MED15: variants seen among roughly 807,000 people sequenced by gnomAD.
The protein encoded by MED15 is mediator complex subunit 15.
A neutral mutation model predicts 118.7 loss-of-function variants in MED15; 41 were observed. That is an observed-to-expected ratio of 0.35 (90% CI 0.27 to 0.45). The LOEUF is 0.45. MED15 is among the 20% of genes least tolerant of loss of function. The pLI is 1.00. For synonymous variants in MED15, 436 were observed against 413.9 expected (o/e 1.05, Z -0.65); for missense variants, 740 against 1,025.5 (o/e 0.72, Z 3.80).
In MED15 at chr22:20,586,714, C is replaced by T. The variant is rs1386192053; in HGVS notation, c.*10C>T. 1.2e-6 allele frequency: 2 copies of T among 1,611,998 alleles called. No individual in the cohort carries two copies. Among genetic ancestry groups the T allele is most frequent in the Non-Finnish European group, 1.7e-6 (2 of 1,179,850 alleles). On this transcript the variant is annotated 3_prime_UTR_variant, in exon 18 of 18. Coordinates refer to ENST00000263205, the MANE Select transcript of MED15 (RefSeq NM_001003891.3). Reference sequence around the variant, plus strand: ...CCTCTCAGCCGCCTAGCCAAGACTGCAGGGATGGCCCGCAGCCTCATCGGG... The same window carrying T: ...CCTCTCAGCCGCCTAGCCAAGACTGTAGGGATGGCCCGCAGCCTCATCGGG...
rs1298558309 is a variant in MED15, at chr22:20,566,685, ACAGCCCCAG to A, written c.915_923del (p.Gln306_Pro308del). 1 of 1,614,086 alleles carries A rather than the reference ACAGCCCCAG, an allele frequency of 6.2e-7. No homozygotes were observed. Among genetic ancestry groups the A allele is most frequent in the East Asian group, 2.2e-5 (1 of 44,884 alleles). ...ACACACAGCACCACCAGCCGCCACC[ACAGCCCCAG>A]CAGCCTCCAGTTGCTCAGAACCAAC... On this transcript the variant is annotated inframe_deletion, in exon 7 of 18. Coordinates refer to ENST00000263205, the MANE Select transcript of MED15 (RefSeq NM_001003891.3).
intron 1 of MED15, among the ~76,000 whole-genome samples, chr22:20,533,005 G>A (rs2054919265): frequency 6.6e-6 from 1 of 152,178 alleles, no homozygotes; most frequent in Non-Finnish European, 1.5e-5. Context: ...GGCTCGAAGG[G>A]TTTTGTTTTC....
chr22:20,584,231 G>A, intron 13 of MED15, 128 bp from the exon 14 acceptor site: 1 of 913,730 alleles, frequency 1.1e-6, no homozygotes, highest in East Asian at 2.4e-5. Context: ...TCTGGGAACA[G>A]CTGGTCAACT....
At chr22:20,517,832 G>A (rs2054307006) in intron 1 of MED15, among the ~76,000 whole-genome samples, 1 of 151,478 alleles carries the variant, frequency 6.6e-6, no homozygotes, top group Admixed American at 6.6e-5. Flanking sequence ...AGCTCAGCTG[G>A]GGGCACTTAA....
At chr22:20,525,265 G>A (rs2054592063) in intron 1 of MED15, among the ~76,000 whole-genome samples, 2 of 152,012 alleles carry the variant, frequency 1.3e-5, no homozygotes, top group South Asian at 4.2e-4. Context: ...CTCCACCCTG[G>A]GCAACACAGA....
intron 13 of MED15, 40 bp downstream of exon 13, chr22:20,583,433 A>C (rs1379272344): frequency 1.2e-6 from 2 of 1,608,136 alleles, no homozygotes. Context: ...CCACAAGGGC[A>C]CAGATAGCCC....
chr22:20,556,992 T>A (rs2056038179), intron 5 of MED15, among the ~76,000 whole-genome samples: 1 of 152,222 alleles, frequency 6.6e-6, no homozygotes, highest in Non-Finnish European at 1.5e-5. Context: ...ACAGTTTGCT[T>A]ATTCATTCAC....
chr22:20,576,327 G>T (rs2056823425), intron 9 of MED15, among the ~76,000 whole-genome samples: 1 of 152,230 alleles, frequency 6.6e-6, no homozygotes, highest in Admixed American at 6.5e-5. Context: ...GAACGCCCAG[G>T]TGCAGGCACT....
At chr22:20,510,282 A>G (rs1269626273) in intron 1 of MED15, among the ~76,000 whole-genome samples, 1 of 152,112 alleles carries the variant, frequency 6.6e-6, no homozygotes, top group Non-Finnish European at 1.5e-5. Flanking sequence ...GCTACTCAAG[A>G]GTCTGAGGCA....
At chr22:20,523,349 C>T (rs2054527014) in intron 1 of MED15, among the ~76,000 whole-genome samples, 1 of 150,656 alleles carries the variant, frequency 6.6e-6, no homozygotes, top group Admixed American at 6.6e-5. Flanking sequence ...ATTTGACTTC[C>T]TTTTTTTTTA....
intron 3 of MED15, 163 bp from the exon 4 acceptor site, chr22:20,552,982 G>A (rs955195388): frequency 2.0e-5 from 13 of 638,928 alleles, no homozygotes; most frequent in Admixed American, 6.0e-5. Flanking sequence ...TGTGGGGTCA[G>A]CGCTGCCAAG....
At chr22:20,568,258 G>C (rs937566713) in intron 7 of MED15, among the ~76,000 whole-genome samples, 1 of 61,698 alleles carries the variant, frequency 1.6e-5, no homozygotes, top group Non-Finnish European at 3.1e-5. Flanking sequence ...CTCTGCATTG[G>C]AAGTCGTCAG....
intron 1 of MED15, among the ~76,000 whole-genome samples, chr22:20,520,279 C>CT (rs2146365792): frequency 6.6e-6 from 1 of 152,332 alleles, no homozygotes; most frequent in East Asian, 1.9e-4. Context: ...GTTCTTTGCT[C>CT]TTTCCAAGCT....
intron 8 of MED15, among the ~76,000 whole-genome samples, chr22:20,571,439 A>C (rs1449695256): frequency 6.6e-6 from 1 of 152,256 alleles, no homozygotes; most frequent in Non-Finnish European, 1.5e-5. Context: ...ATGTGCTGCC[A>C]TGCAGGGGAT....
chr22:20,570,527 G>GCCCA (rs2056608252), intron 8 of MED15, among the ~76,000 whole-genome samples: 1 of 150,370 alleles, frequency 6.7e-6, no homozygotes, highest in Non-Finnish European at 1.5e-5. Flanking sequence ...AAGTAGCTGG[G>GCCCA]ACTACAGTTG....
intron 6 of MED15, among the ~76,000 whole-genome samples, chr22:20,564,958 T>C (rs1272290935): frequency 6.6e-6 from 1 of 152,142 alleles, no homozygotes; most frequent in East Asian, 1.9e-4. Flanking sequence ...ACCCCATCTC[T>C]ACTAAAAATA....
rs147554746 is a variant in MED15 at position 20,555,102 on chromosome 22, G to A, written c.405G>A (p.Gly135=). The change falls in exon 5 of 18, where the codon GGG becomes GGA. Residue 135 remains glycine (G), a synonymous_variant. Coordinates refer to ENST00000263205, the MANE Select transcript of MED15 (RefSeq NM_001003891.3). ...GGCAGCCGCCTCCTGGGACCTCGGGGATGGCCCCTCACAGCATGGCTGTCG... is the reference window on the plus strand; with the variant it reads ...GGCAGCCGCCTCCTGGGACCTCGGGAATGGCCCCTCACAGCATGGCTGTCG... ...LSGQPPPGTS[G]MAPHSMAVVS... The A allele has an allele frequency of 2.0e-5, 33 of 1,611,050 alleles. No individual in the cohort carries two copies. The African/African-American group carries it at 2.9e-4, about 14-fold the overall frequency.
chr22:20,551,782 T>A (rs2055786501), intron 3 of MED15: 1 of 442,518 alleles, frequency 2.3e-6, no homozygotes, highest in African/African-American at 2.0e-5. Context: ...CATAGGGCTG[T>A]TGTTTTTACT....
chr22:20,583,451 G>C, intron 13 of MED15, 58 bp downstream of exon 13: 1 of 1,592,048 alleles, frequency 6.3e-7, no homozygotes, highest in Non-Finnish European at 8.6e-7. Context: ...CCCAGCCATG[G>C]ATGGGCACTT....
Sources: gnomAD v4.1 joint callset for allele counts (sites outside exome capture counted in the v4.1 genomes callset) on GRCh38, gnomAD v4.1.1 for gene constraint, MANE v1.5 for transcripts, NCBI Gene and HGNC (gene_info 2026-07-23, HGNC 2026-07-21) for gene names.